The following NBPF12 variants were observed in gnomAD, a reference collection of about 807,000 sequenced individuals.
The protein encoded by NBPF12 is NBPF family member NBPF12.
In NBPF12, 115 loss-of-function variants were observed where a neutral mutation model predicts 146.4. The ratio of observed to expected loss-of-function variants is 0.79; its 90% CI spans 0.68 to 0.92. The LOEUF is 0.92. NBPF12 is among the 40% of genes least tolerant of loss of function. The pLI is 0.00. For synonymous variants in NBPF12, 385 were observed against 508.9 expected (o/e 0.76, Z 3.28); for missense variants, 1,205 against 1,326.8 (o/e 0.91, Z 1.43).
At chr1:146,966,563 A>G (rs1320412515) in exon 9 of NBPF12, 10 of 1,390,336 alleles carry the variant, frequency 7.2e-6, no homozygotes, top group Non-Finnish European at 1.0e-5. Flanking sequence ...GAAATCAATG[A>G]GAAGTTGCGC....
intron 13 of NBPF12, 49 bp from the exon 17 acceptor site, chr1:146,972,702 C>T (rs1656734528): frequency 1.4e-6 from 2 of 1,381,316 alleles, no homozygotes; most frequent in South Asian, 2.3e-5. Flanking sequence ...AAGCCTATTT[C>T]ATTTCATCAG....
intron 1 of NBPF12, 96 bp downstream of exon 1, chr1:146,939,108 A>ACTGCCGGGCT (rs1553882496): frequency 6.6e-6 from 1 of 152,120 alleles, no homozygotes; most frequent in African/African-American, 2.4e-5. Flanking sequence ...TGCGCCGGGC[A>ACTGCCGGGCT]CTGCCGGGCT....
intron 18 of NBPF12, among the ~76,000 whole-genome samples, chr1:146,978,041 C>T (rs1307838676): frequency 6.6e-6 from 1 of 151,780 alleles, no homozygotes; most frequent in East Asian, 1.9e-4. Flanking sequence ...GGCAGCCTTG[C>T]CTTTGTATTT....
chr1:146,957,866 T>C lies in NBPF12; in HGVS notation c.-183-1993T>C, dbSNP rs1353936748. 8.4e-4 allele frequency among the ~76,000 whole-genome samples: 58 copies of C among 69,354 alleles called. 9 individuals carry two copies. Among genetic ancestry groups the C allele is most frequent in the Admixed American group, 2.1e-3 (12 of 5,722 alleles). The allele number at this position is 69,354 out of a possible 152,430, so 45.5% of individuals were successfully genotyped here. A position where few individuals can be genotyped will look rare whatever the true frequency, so the allele number is the denominator to read the frequency against. Reference sequence around the variant, plus strand: ...AATATATATATATATACACGTGTTATATATATTGTATATTATGTATATACA... The same window carrying C: ...AATATATATATATATACACGTGTTACATATATTGTATATTATGTATATACA... On this transcript the variant is annotated intron_variant, in intron 2 of 33. Coordinates refer to ENST00000617844, the Ensembl canonical transcript of NBPF12.
upstream of NBPF12, among the ~76,000 whole-genome samples, chr1:146,945,172 C>G (rs1177702114): frequency 1.3e-4 from 19 of 147,996 alleles, no homozygotes; most frequent in Admixed American, 1.3e-3. Flanking sequence ...CTTTTTCTTT[C>G]CTTTTTGTTC....
At chr1:146,965,045 T>A (rs1405596466) in exon 8 of NBPF12, 1 of 1,608,528 alleles carries the variant, frequency 6.2e-7, no homozygotes, top group Non-Finnish European at 8.5e-7. Context: ...AACTCAACTG[T>A]GGTTGTAGAC....
At chr1:146,977,331 C>T (rs1343197236) in intron 17 of NBPF12, 135 bp from the exon 21 acceptor site, 1 of 1,091,784 alleles carries the variant, frequency 9.2e-7, no homozygotes, top group African/African-American at 1.6e-5. Context: ...TGCATGTTCC[C>T]TCTTAATGGG....
intron 1 of NBPF12, among the ~76,000 whole-genome samples, chr1:146,943,036 A>C (rs1374579438): frequency 7.3e-6 from 1 of 136,828 alleles, no homozygotes; most frequent in Non-Finnish European, 1.6e-5. Flanking sequence ...AGTAGCTGAG[A>C]GTGCAAGTGT....
At chr1:146,949,896 T>A (rs1170709940) in intron 1 of NBPF12, among the ~76,000 whole-genome samples, 1 of 151,888 alleles carries the variant, frequency 6.6e-6, no homozygotes, top group African/African-American at 2.4e-5. Context: ...AGCTCCCACC[T>A]TCTCTGACTT....
chr1:146,972,702 C>A, intron 13 of NBPF12, 49 bp from the exon 17 acceptor site: 1 of 1,381,314 alleles, frequency 7.2e-7, no homozygotes, highest in East Asian at 2.3e-5. Context: ...AAGCCTATTT[C>A]ATTTCATCAG....
At chr1:146,967,524 A>G (rs1415059700) in intron 9 of NBPF12, among the ~76,000 whole-genome samples, 2 of 149,810 alleles carry the variant, frequency 1.3e-5, no homozygotes, top group African/African-American at 5.0e-5. Context: ...ATAAATAAAA[A>G]TAAGAATAAA....
At position 146,994,555 on chromosome 1, in the gene NBPF12, G is replaced by A. The variant is rs782535993; in HGVS notation, c.4354G>A (p.Gly1452Arg). ...AAGTCTCCACCTGGTCTTCCAGATG[G>A]GAGTCATATTCCCACAATAAGCAGC... is the stretch of plus-strand genomic sequence containing the variant. The change falls in exon 34 of 34, where the codon GGA becomes AGA. Residue 1452 changes from glycine (G) to arginine (R), a missense_variant. Physicochemically the swap from Gly to Arg is moderately radical, Grantham distance 125 (BLOSUM62 -2). Transcript: ENST00000617844. 1.2e-5 allele frequency: 19 copies of A among 1,609,286 alleles called. No individual in the cohort carries two copies. In the South Asian group the frequency reaches 1.4e-4, roughly 12 times the overall value.
chr1:146,943,473 G>A (rs1461028027), exon 2 of NBPF12: 36 of 1,103,718 alleles, frequency 3.3e-5, no homozygotes, highest in Non-Finnish European at 3.9e-5. Context: ...TGGACTCTCC[G>A]AGGCACCGAT....
chr1:146,981,625 C>G (rs1360563910), intron 19 of NBPF12, among the ~76,000 whole-genome samples: 3 of 151,900 alleles, frequency 2.0e-5, no homozygotes, highest in Non-Finnish European at 4.4e-5. Flanking sequence ...GGGAAGTCCT[C>G]CTGGATAATA....
At position 146,959,855 on chromosome 1, in the gene NBPF12, G is replaced by A; in HGVS notation, c.-183-4G>A. The stretch of plus-strand genomic sequence containing the variant: ...ACCTTCTAATTCTGTTATTGCAACT[G>A]CAGACGGTTACCTGGCACGCTGGCC... On this transcript the variant is annotated splice_region_variant and splice_polypyrimidine_tract_variant and intron_variant, in intron 2 of 33. Coordinates refer to ENST00000617844, the Ensembl canonical transcript of NBPF12. 6.9e-6 allele frequency: 1 copy of A among 144,398 alleles called. No homozygotes were observed. Among genetic ancestry groups the A allele is most frequent in the Non-Finnish European group, 1.1e-5 (1 of 87,030 alleles). 8.9% of individuals were successfully genotyped at this position (144,398 alleles called of 1,614,324 possible).
intron 4 of NBPF12, among the ~76,000 whole-genome samples, chr1:146,960,726 C>T (rs1375653235): frequency 1.3e-5 from 2 of 152,044 alleles, no homozygotes; most frequent in Non-Finnish European, 2.9e-5. Context: ...TGAGGCCCAA[C>T]AGGCAAAGCT....
At chr1:146,940,057 C>T (rs1324811273) in intron 1 of NBPF12, among the ~76,000 whole-genome samples, 2 of 151,766 alleles carry the variant, frequency 1.3e-5, no homozygotes, top group Admixed American at 6.6e-5. Context: ...CTTTCTTTGC[C>T]GAAAGAATGA....
chr1:146,994,524 G>A (rs782480905), exon 34 of NBPF12: 43 of 1,609,542 alleles, frequency 2.7e-5, no homozygotes, highest in South Asian at 8.8e-5. Flanking sequence ...TTACTTTGAC[G>A]GTGACAAGTC....
At chr1:146,966,727 C>G in intron 9 of NBPF12, 54 bp downstream of exon 12, 3 of 982,054 alleles carry the variant, frequency 3.1e-6, no homozygotes, top group South Asian at 1.3e-5. Flanking sequence ...CCTGTCTTCT[C>G]TCTGAGAAAC....
Sources: allele counts gnomAD v4.1 joint callset (sites outside exome capture counted in the v4.1 genomes callset), GRCh38; gene constraint gnomAD v4.1.1; transcripts MANE v1.5; gene names NCBI Gene and HGNC (gene_info 2026-07-23, HGNC 2026-07-21).